The following SPOCK3 variants were observed in gnomAD, a reference collection of about 807,000 sequenced individuals.
The protein encoded by SPOCK3 is testican-3.
A neutral mutation model predicts 56.6 loss-of-function variants in SPOCK3; 30 were observed. The observed-to-expected ratio is 0.53, with a 90% CI of 0.40 to 0.72. The LOEUF is 0.72. Ranked by LOEUF, SPOCK3 falls within the 30% of genes least tolerant of loss-of-function variation. SPOCK3 has a pLI of 0.00. For synonymous variants in SPOCK3, 196 were observed against 183.3 expected (o/e 1.07, Z -0.56); for missense variants, 527 against 530.0 (o/e 0.99, Z 0.06).
In SPOCK3 at chr4:167,046,450, CTTTTTTT is replaced by C. The variant is rs67108499; in HGVS notation, c.235+16035_235+16041del. Among the ~76,000 whole-genome samples, 223 of 53,704 alleles carry C rather than the reference CTTTTTTT, an allele frequency of 4.2e-3. 1 individual carries two copies. Among genetic ancestry groups the C allele is most frequent in the African/African-American group, 0.016 (206 of 12,588 alleles). 35.2% of individuals were successfully genotyped at this position (53,704 alleles called of 152,430 possible). ...TTATCTTTTTTTTCTTTCTGATATTCTTTTTTTTTTTTTTTTTTTTTTTTTAACAAAG... is the reference window on the plus strand; with the variant it reads ...TTATCTTTTTTTTCTTTCTGATATTCTTTTTTTTTTTTTTTTTTAACAAAG... On this transcript the variant is annotated intron_variant, in intron 3 of 10. Transcript: ENST00000357545.
intron 5 of SPOCK3, among the ~76,000 whole-genome samples, chr4:166,906,469 C>A (rs1736623072): frequency 7.0e-6 from 1 of 142,696 alleles, no homozygotes; most frequent in Non-Finnish European, 1.5e-5. Context: ...CATGCCTGGC[C>A]TGGTTGGCTA....
chr4:167,083,747 A>G (rs62352442), intron 2 of SPOCK3, among the ~76,000 whole-genome samples: 25,876 of 152,062 alleles, frequency 0.17, 2,672 homozygotes, highest in Admixed American at 0.26. Flanking sequence ...ACAAGAGAGG[A>G]TTATAGAAAC....
intron 6 of SPOCK3, among the ~76,000 whole-genome samples, chr4:166,796,842 T>C (rs1279327494): frequency 6.6e-6 from 1 of 152,184 alleles, no homozygotes; most frequent in Non-Finnish European, 1.5e-5. Flanking sequence ...ATAAGTGTAG[T>C]ACAGTTAAAA....
rs560929344 is a variant in SPOCK3, at chr4:167,051,479, A to G, written c.235+11013T>C. Among the ~76,000 whole-genome samples, 110 of 152,318 alleles carry G rather than the reference A, an allele frequency of 7.2e-4. 1 individual carries two copies. The highest frequency in any genetic ancestry group is 2.5e-3 in the African/African-American group (106 of 41,580). ...GCTTTATTAAAGATACTTTCCATAA[A>G]CAATCGTGCTATTTCAGGAAGGACA... On this transcript the variant is annotated intron_variant, in intron 3 of 10. Coordinates refer to ENST00000357545, the MANE Select transcript of SPOCK3 (RefSeq NM_001040159.2).
intron 3 of SPOCK3, among the ~76,000 whole-genome samples, chr4:167,004,397 T>C (rs1278196311): frequency 1.3e-5 from 2 of 152,172 alleles, no homozygotes; most frequent in Non-Finnish European, 2.9e-5. Flanking sequence ...ACCAGTGAAA[T>C]ATAAAATGCT....
rs926887073 is a variant in SPOCK3, at chr4:167,234,335, C to G, written c.-1+115G>C. On this transcript the variant is annotated intron_variant, in intron 1 of 10. Coordinates refer to ENST00000357545, the MANE Select transcript of SPOCK3 (RefSeq NM_001040159.2). ...TGTCCCCTCCCCGCAGGCTTTACCCCCAAAAGCCGGGCACTCACACACACG... is the reference window on the plus strand; with the variant it reads ...TGTCCCCTCCCCGCAGGCTTTACCCGCAAAAGCCGGGCACTCACACACACG... 2.2e-5 allele frequency: 15 copies of G among 693,934 alleles called. No homozygotes were observed. In the African/African-American group the frequency reaches 2.3e-4, roughly 11 times the overall value. The allele number at this position is 693,934 out of a possible 1,614,324, so 43.0% of individuals were successfully genotyped here.
rs528947136 is a variant in SPOCK3, at chr4:166,859,684, G to A, written c.589+29446C>T. 6.6e-5 allele frequency among the ~76,000 whole-genome samples: 10 copies of A among 152,062 alleles called. 1 individual carries two copies. The South Asian group carries it at 1.9e-3, about 28-fold the overall frequency. ...TTATGAATCAGATAATTCACTCAAC[G>A]GGCCTTGGGAAAATAGACAAACTAT... is the stretch of plus-strand genomic sequence containing the variant. On this transcript the variant is annotated intron_variant, in intron 6 of 10. Transcript: ENST00000357545.
chr4:167,099,416 A>C (rs2150322166), intron 2 of SPOCK3, among the ~76,000 whole-genome samples: 1 of 152,120 alleles, frequency 6.6e-6, no homozygotes, highest in Admixed American at 6.6e-5. Flanking sequence ...TGATATATCA[A>C]AATAATCTTT....
intron 2 of SPOCK3, among the ~76,000 whole-genome samples, chr4:167,211,097 C>A (rs547394794): frequency 2.8e-4 from 43 of 152,184 alleles, no homozygotes; most frequent in African/African-American, 8.7e-4. Flanking sequence ...ATCAGCATGA[C>A]CTGGATGTGA....
At chr4:166,828,939 C>T (rs888317368) in intron 6 of SPOCK3, among the ~76,000 whole-genome samples, 8 of 151,880 alleles carry the variant, frequency 5.3e-5, no homozygotes, top group South Asian at 2.1e-4. Flanking sequence ...CTGAAAAGAA[C>T]GATGATGCAT....
intron 2 of SPOCK3, among the ~76,000 whole-genome samples, chr4:167,104,751 C>T (rs538049936): frequency 3.4e-4 from 52 of 151,288 alleles, no homozygotes; most frequent in African/African-American, 1.2e-3. Context: ...TATAGAACAC[C>T]AAGCGGATTG....
At chr4:166,769,752 C>T (rs560890398) in intron 7 of SPOCK3, among the ~76,000 whole-genome samples, 1 of 152,272 alleles carries the variant, frequency 6.6e-6, no homozygotes, top group East Asian at 1.9e-4. Flanking sequence ...GGGGTTTCTG[C>T]TGCCTTTTGT....
chr4:166,769,005 A>C (rs1188510585), intron 7 of SPOCK3, among the ~76,000 whole-genome samples: 2 of 152,108 alleles, frequency 1.3e-5, no homozygotes, highest in Non-Finnish European at 2.9e-5. Flanking sequence ...TGCATTCATC[A>C]TGTAGTTCTC....
chr4:167,138,788 T>C (rs1466872507), intron 2 of SPOCK3, among the ~76,000 whole-genome samples: 1 of 151,850 alleles, frequency 6.6e-6, no homozygotes, highest in Admixed American at 6.6e-5. Flanking sequence ...AAAGAACAAA[T>C]GCAAAAGTGG....
intron 3 of SPOCK3, among the ~76,000 whole-genome samples, chr4:167,029,427 T>C (rs1421745576): frequency 6.6e-6 from 1 of 152,100 alleles, no homozygotes; most frequent in East Asian, 1.9e-4. Context: ...GGTTTTATTT[T>C]ATTCTTCTTT....
At chr4:167,055,405 C>A (rs1485233339) in intron 3 of SPOCK3, among the ~76,000 whole-genome samples, 1 of 152,166 alleles carries the variant, frequency 6.6e-6, no homozygotes, top group African/African-American at 2.4e-5. Flanking sequence ...GCATTTCCAT[C>A]TGAGGTACTG....
intron 2 of SPOCK3, among the ~76,000 whole-genome samples, chr4:167,163,612 C>A (rs1454377394): frequency 1.3e-5 from 2 of 151,690 alleles, no homozygotes; most frequent in Non-Finnish European, 2.9e-5. Context: ...TGGTAACCAT[C>A]ATTCTGCTGC....
intron 3 of SPOCK3, among the ~76,000 whole-genome samples, chr4:167,020,748 T>C (rs528642770): frequency 3.4e-4 from 51 of 152,130 alleles, no homozygotes; most frequent in Middle Eastern, 3.4e-3. Context: ...CAAAGACACA[T>C]GAAAGAAGCA....
At chr4:167,066,502 G>A (rs1052221691) in intron 2 of SPOCK3, among the ~76,000 whole-genome samples, 2 of 151,814 alleles carry the variant, frequency 1.3e-5, no homozygotes, top group Non-Finnish European at 2.9e-5. Flanking sequence ...ACAAAGTACT[G>A]CTACTAGTAA....
Sources: allele counts gnomAD v4.1 joint callset (sites outside exome capture counted in the v4.1 genomes callset), GRCh38; gene constraint gnomAD v4.1.1; transcripts MANE v1.5; gene names NCBI Gene and HGNC (gene_info 2026-07-23, HGNC 2026-07-21).